Variants in PARP11 observed in about 807,000 individuals in gnomAD.
PARP11 encodes the protein poly(ADP-ribose) polymerase family member 11.
PARP11 carries 31 observed loss-of-function variants against 42.9 expected under a neutral mutation model. The observed-to-expected ratio is 0.72, with a 90% CI of 0.54 to 0.98. PARP11 has a LOEUF of 0.98. PARP11 is among the 50% of genes least tolerant of loss of function. The pLI, the probability that PARP11 is intolerant of heterozygous loss-of-function variation, is 0.00. For missense variants in PARP11, 365 were observed against 413.1 expected (o/e 0.88, Z 1.01); for synonymous variants, 137 against 127.3 (o/e 1.08, Z -0.51).
chr12:3,819,850 T>C (rs1591761008), intron 6 of PARP11, among the ~76,000 whole-genome samples: 1 of 152,208 alleles, frequency 6.6e-6, no homozygotes, highest in African/African-American at 2.4e-5. Context: ...TGCCTCTTGA[T>C]ACCATTCTAG....
intron 1 of PARP11, among the ~76,000 whole-genome samples, chr12:3,837,980 G>A (rs1408519761): frequency 1.3e-5 from 2 of 150,976 alleles, no homozygotes; most frequent in Admixed American, 1.3e-4. Flanking sequence ...AAAGTGAGGG[G>A]TAGACTGCAA....
In PARP11 at chr12:3,808,889, C is replaced by T. The variant is rs887964612; in HGVS notation, c.*3234G>A. 1 of 152,172 alleles carries T rather than the reference C, an allele frequency of 6.6e-6. No individual in the cohort carries two copies. The allele number at this position is 152,172 out of a possible 1,614,324, so 9.4% of individuals were successfully genotyped here. A position where few individuals can be genotyped will look rare whatever the true frequency, so the allele number is the denominator to read the frequency against. Reference sequence around the variant, plus strand: ...TGCTAATGGAGAGCTTTAATCATCACATGTAAAAGCAATACATTCATATAT... The same window carrying T: ...TGCTAATGGAGAGCTTTAATCATCATATGTAAAAGCAATACATTCATATAT... On this transcript the variant is annotated 3_prime_UTR_variant, in exon 8 of 8. Coordinates refer to ENST00000228820, the MANE Select transcript of PARP11 (RefSeq NM_020367.6).
intron 3 of PARP11, among the ~76,000 whole-genome samples, chr12:3,827,480 T>C (rs1947551424): frequency 6.6e-6 from 1 of 152,120 alleles, no homozygotes; most frequent in Middle Eastern, 3.2e-3. Context: ...TATCATTCGG[T>C]TTCAGTTCTT....
chr12:3,851,847 C>T (rs11513711), intron 1 of PARP11, among the ~76,000 whole-genome samples: 8,784 of 152,284 alleles, frequency 0.058, 330 homozygotes, highest in East Asian at 0.18. Context: ...AACTGGGAGA[C>T]ACCTCCCAGT....
In PARP11 at chr12:3,840,243, A is replaced by G; in HGVS notation, c.19-10225T>C. On this transcript the variant is annotated intron_variant, in intron 1 of 7. Transcript: ENST00000228820. This position sits in a 1 kb window ranked among gnomAD's most constrained non-coding sequence, Gnocchi z 4.4. Reference sequence around the variant, plus strand: ...AAGGAGTTCATTCTGAGAATGGACCAGTTTTGGTTGAAGAACTGGGAAAGT... The same window carrying G: ...AAGGAGTTCATTCTGAGAATGGACCGGTTTTGGTTGAAGAACTGGGAAAGT... 6.2e-7 allele frequency: 1 copy of G among 1,612,974 alleles called. No homozygotes were observed. The highest frequency in any genetic ancestry group is 8.5e-7 in the Non-Finnish European group (1 of 1,178,878).
At position 3,845,832 on chromosome 12, in the gene PARP11, G is replaced by A. The variant is rs191978683; in HGVS notation, c.19-15814C>T. Among the ~76,000 whole-genome samples the A allele has an allele frequency of 1.7e-3, 264 of 152,190 alleles. 1 individual carries two copies. The highest frequency in any genetic ancestry group is 6.0e-3 in the African/African-American group (249 of 41,534). On this transcript the variant is annotated intron_variant, in intron 1 of 7. Coordinates refer to ENST00000228820, the MANE Select transcript of PARP11 (RefSeq NM_020367.6). Reference sequence around the variant, plus strand: ...TTTTTTAAAAGAGGTCTTTCTCCCCGAAATACAAGTTTTAGAAAATCTTAG... The same window carrying A: ...TTTTTTAAAAGAGGTCTTTCTCCCCAAAATACAAGTTTTAGAAAATCTTAG...
At chr12:3,842,278 AGTG>A in intron 1 of PARP11, 1 of 1,601,752 alleles carries the variant, frequency 6.2e-7, no homozygotes, top group African/African-American at 1.3e-5. Context: ...TATTTTGAGA[AGTG>A]GTAGATCCAA....
chr12:3,826,353 G>A, intron 3 of PARP11, 120 bp from the exon 4 acceptor site: 2 of 647,494 alleles, frequency 3.1e-6, no homozygotes, highest in Non-Finnish European at 5.1e-6. Flanking sequence ...GGAGTAGCTG[G>A]CAAGCATAGT....
chr12:3,847,425 A>G (rs1279643600), intron 1 of PARP11, among the ~76,000 whole-genome samples: 1 of 152,174 alleles, frequency 6.6e-6, no homozygotes, highest in Non-Finnish European at 1.5e-5. Context: ...CCTCAATAAA[A>G]TACTAGAAAA....
At chr12:3,842,380 G>A (rs989421605) in intron 1 of PARP11, 4 of 1,612,042 alleles carry the variant, frequency 2.5e-6, no homozygotes, top group African/African-American at 1.3e-5. Flanking sequence ...TGTGAGAAGT[G>A]AGGAGTCCTG....
chr12:3,864,237 T>C (rs1045598067), intron 1 of PARP11, among the ~76,000 whole-genome samples: 2 of 152,240 alleles, frequency 1.3e-5, no homozygotes, highest in African/African-American at 2.4e-5. Context: ...GTGAATTACA[T>C]TGATGGCTGT....
At chr12:3,814,221 C>T (rs760537896) in intron 6 of PARP11, 33 bp from the exon 7 acceptor site, 1 of 1,521,722 alleles carries the variant, frequency 6.6e-7, no homozygotes, top group Middle Eastern at 1.8e-4. Flanking sequence ...CACAAAAGCA[C>T]ACAGAAATAT....
In PARP11 at chr12:3,828,984, T is replaced by G. The variant is rs1383467710; in HGVS notation, c.194A>C (p.Lys65Thr). The change falls in exon 3 of 8, where the codon AAA becomes ACA. Residue 65 changes from lysine to threonine, a missense_variant. Transcript: ENST00000228820. ...QCSVSSEDIE[K>T]SFKTNPCGSI... is the part of the protein sequence containing the mutation. ...GCCACAAGGGTTTGTTTTGAAGCTT[T>G]TTTCGATATCTTCACTGCTAACTGA... The G allele has an allele frequency of 6.2e-7, 1 of 1,614,100 alleles. No individual in the cohort carries two copies. Among genetic ancestry groups the G allele is most frequent in the Non-Finnish European group, 8.5e-7 (1 of 1,179,978 alleles).
chr12:3,838,848 G>C (rs969585288), intron 1 of PARP11, among the ~76,000 whole-genome samples: 1 of 152,284 alleles, frequency 6.6e-6, no homozygotes, highest in Admixed American at 6.5e-5. Context: ...GGCGTGGGGA[G>C]CGCGCGGGGG....
intron 1 of PARP11, among the ~76,000 whole-genome samples, chr12:3,866,311 C>G (rs1182067204): frequency 6.6e-6 from 1 of 152,128 alleles, no homozygotes; most frequent in Non-Finnish European, 1.5e-5. Context: ...AATTCTCAGT[C>G]TCCTTTGCAC....
At chr12:3,829,108 T>C (rs916882542) in intron 2 of PARP11, 78 bp from the exon 3 acceptor site, 28 of 1,515,898 alleles carry the variant, frequency 1.8e-5, no homozygotes, top group African/African-American at 2.8e-5. Context: ...ACTGTGGTCA[T>C]AGAGACAGGG....
intron 6 of PARP11, 99 bp downstream of exon 6, chr12:3,821,774 C>A: frequency 8.0e-7 from 1 of 1,250,570 alleles, no homozygotes; most frequent in Non-Finnish European, 1.1e-6. Context: ...AGAAAAACAG[C>A]ATGTCTACAC....
chr12:3,842,555 G>C (rs202084919), intron 1 of PARP11: 1,008 of 1,384,912 alleles, frequency 7.3e-4, no homozygotes, highest in Non-Finnish European at 9.3e-4. Flanking sequence ...GAAACTCTTA[G>C]GTGGAATGTT....
Position 3,840,238 on chromosome 12 carries a change from G to T in PARP11, c.19-10220C>A. The T allele has an allele frequency of 1.2e-6, 2 of 1,612,290 alleles. No homozygotes were observed. Among genetic ancestry groups the T allele is most frequent in the African/African-American group, 2.7e-5 (2 of 75,014 alleles). ...CGTTCAAGGAGTTCATTCTGAGAAT[G>T]GACCAGTTTTGGTTGAAGAACTGGG... On this transcript the variant is annotated intron_variant, in intron 1 of 7. Transcript: ENST00000228820. The surrounding 1 kb of genome is among the most constrained non-coding windows in gnomAD (Gnocchi z 4.4).
Sources: gnomAD v4.1 joint callset for allele counts (sites outside exome capture counted in the v4.1 genomes callset) on GRCh38, gnomAD v4.1.1 for gene constraint, Gnocchi (gnomAD v3.1) non-coding constraint, MANE v1.5 for transcripts, NCBI Gene and HGNC (gene_info 2026-07-23, HGNC 2026-07-21) for gene names.